AFF1: variants seen among roughly 807,000 people sequenced by gnomAD.
AFF1 encodes AF4/FMR2 family member 1.
In AFF1, 48 loss-of-function variants were observed where a neutral mutation model predicts 121.7. The ratio of observed to expected loss-of-function variants is 0.39; its 90% confidence interval spans 0.31 to 0.50. The LOEUF is 0.50. AFF1 is among the 20% of genes least tolerant of loss of function. The pLI, the probability that AFF1 is intolerant of heterozygous loss-of-function variation, is 0.76. For synonymous variants in AFF1, 613 were observed against 563.0 expected (o/e 1.09, Z -1.26); for missense variants, 1,523 against 1,511.7 (o/e 1.01, Z -0.12).
intron 2 of AFF1, among the ~76,000 whole-genome samples, chr4:86,972,620 C>T (rs1459959486): frequency 6.6e-6 from 1 of 152,148 alleles, no homozygotes; most frequent in East Asian, 1.9e-4. Context: ...TCACTGTAAC[C>T]TCCATCTCCT....
intron 2 of AFF1, among the ~76,000 whole-genome samples, chr4:87,020,006 T>TTGACGATTG (rs764080332): frequency 5.7e-5 from 1 of 17,534 alleles, no homozygotes; most frequent in Non-Finnish European, 4.3e-4. Context: ...GTCTTCTGTG[T>TTGACGATTG]TGACGATTGT....
At chr4:87,062,578 G>A (rs1720894236) in intron 4 of AFF1, among the ~76,000 whole-genome samples, 2 of 152,248 alleles carry the variant, frequency 1.3e-5, no homozygotes, top group South Asian at 4.1e-4. Flanking sequence ...AAATGGTGGT[G>A]CTGTTTACAA....
chr4:87,019,860 C>T (rs72667753), intron 2 of AFF1, among the ~76,000 whole-genome samples: 31,895 of 113,818 alleles, frequency 0.28, 3,663 homozygotes, highest in East Asian at 0.39. Flanking sequence ...GAGGTCCAGA[C>T]CTGTGACTGG....
intron 1 of AFF1, among the ~76,000 whole-genome samples, chr4:86,942,002 G>A (rs1456529613): frequency 6.6e-6 from 1 of 151,478 alleles, no homozygotes; most frequent in African/African-American, 2.4e-5. Context: ...TCTTTATTGA[G>A]TAGTTGAACA....
intron 2 of AFF1, among the ~76,000 whole-genome samples, chr4:86,984,331 C>CTT (rs1350597456): frequency 1.9e-4 from 24 of 126,202 alleles, no homozygotes; most frequent in Admixed American, 3.2e-4. Context: ...ATTTTTTTTT[C>CTT]TTTTTTTTTT....
chr4:87,087,098 G>A (rs1266821902), intron 5 of AFF1, among the ~76,000 whole-genome samples: 1 of 152,178 alleles, frequency 6.6e-6, no homozygotes, highest in Non-Finnish European at 1.5e-5. Context: ...GGCAAGCCTG[G>A]CCTCCACAGT....
intron 2 of AFF1, among the ~76,000 whole-genome samples, chr4:87,024,547 T>C (rs1728338456): frequency 6.6e-6 from 1 of 152,156 alleles, no homozygotes; most frequent in South Asian, 2.1e-4. Context: ...ATGGAACCTT[T>C]TTGTATAAAA....
intron 2 of AFF1, among the ~76,000 whole-genome samples, chr4:86,984,921 AAAAAAT>A (rs1224826022): frequency 4.6e-5 from 7 of 151,778 alleles, no homozygotes; most frequent in Non-Finnish European, 7.4e-5. Flanking sequence ...ACTCCATCTA[AAAAAAT>A]AAAAATAAAA....
intron 2 of AFF1, among the ~76,000 whole-genome samples, chr4:86,998,112 A>AAC (rs1725371639): frequency 7.2e-6 from 1 of 138,712 alleles, no homozygotes; most frequent in Non-Finnish European, 1.5e-5. Flanking sequence ...AAAAAAAAAA[A>AAC]AAAAAAAAAA....
At chr4:87,050,886 G>A (rs943430383) in intron 4 of AFF1, among the ~76,000 whole-genome samples, 1 of 152,192 alleles carries the variant, frequency 6.6e-6, no homozygotes, top group African/African-American at 2.4e-5. Context: ...TCTGTCTAGA[G>A]ATAACAAGTG....
intron 1 of AFF1, among the ~76,000 whole-genome samples, chr4:86,946,082 C>T (rs1304168653): frequency 2.0e-5 from 3 of 152,078 alleles, no homozygotes; most frequent in African/African-American, 7.2e-5. Flanking sequence ...TGCTCCTGAG[C>T]GGTGAGACCT....
intron 4 of AFF1, among the ~76,000 whole-genome samples, chr4:87,060,867 A>AAAC (rs1560586070): frequency 2.4e-5 from 1 of 41,064 alleles, no homozygotes; most frequent in Non-Finnish European, 4.5e-5. Flanking sequence ...AAAAAAAAAA[A>AAAC]CACAAAAAAA....
intron 2 of AFF1, among the ~76,000 whole-genome samples, chr4:86,958,751 A>G (rs966063245): frequency 2.6e-5 from 4 of 152,026 alleles, no homozygotes; most frequent in Non-Finnish European, 5.9e-5. Context: ...AAATAATAAA[A>G]TTGTCTTCAT....
intron 2 of AFF1, among the ~76,000 whole-genome samples, chr4:87,008,154 G>C (rs1726361798): frequency 6.6e-6 from 1 of 152,148 alleles, no homozygotes; most frequent in Admixed American, 6.5e-5. Context: ...TTTTAGTTTT[G>C]ACAGCAGTTG....
rs1445453787 is a variant in AFF1, at chr4:87,138,704, A to C, written c.*3003A>C. ...TGGCCACCTAGTAGCAGTGGTGAGG[A>C]GTGGGAGGGCCCAGCAAGCATTTAT... On this transcript the variant is annotated 3_prime_UTR_variant, in exon 21 of 21. Transcript: ENST00000395146. The C allele has an allele frequency of 8.6e-6, 2 of 231,460 alleles. No homozygotes were observed. Among genetic ancestry groups the C allele is most frequent in the Non-Finnish European group, 1.7e-5 (2 of 117,036 alleles). The allele number at this position is 231,460 out of a possible 1,614,324, so 14.3% of individuals were successfully genotyped here.
At chr4:87,085,322 T>C (rs1014998617) in intron 5 of AFF1, among the ~76,000 whole-genome samples, 1 of 152,174 alleles carries the variant, frequency 6.6e-6, no homozygotes, top group Non-Finnish European at 1.5e-5. Flanking sequence ...GTACAGTAAT[T>C]GTAAAAACTG....
chr4:86,950,780 G>C (rs1020483731), intron 2 of AFF1, among the ~76,000 whole-genome samples: 1 of 152,184 alleles, frequency 6.6e-6, no homozygotes, highest in Non-Finnish European at 1.5e-5. Context: ...CTAGAGCCTG[G>C]GGGAAAGCTG....
At position 87,033,418 on chromosome 4, in the gene AFF1, G is replaced by A. The variant is rs936720808; in HGVS notation, c.39-12748G>A. 2.0e-5 allele frequency among the ~76,000 whole-genome samples: 3 copies of A among 152,330 alleles called. No individual in the cohort carries two copies. The South Asian group carries it at 6.2e-4, about 32-fold the overall frequency. ...GCAATTGGTTCTCTGGAATGTGTGC[G>A]TTAGAAGTTCAGTGACTGGGAGGGA... On this transcript the variant is annotated intron_variant, in intron 2 of 20. Coordinates refer to ENST00000395146, the MANE Select transcript of AFF1 (RefSeq NM_001166693.3).
At chr4:87,131,766 C>G in intron 17 of AFF1, 27 bp from the exon 18 acceptor site, 3 of 1,538,432 alleles carry the variant, frequency 2.0e-6, no homozygotes, top group Non-Finnish European at 1.8e-6. Context: ...TGTTTAAAAC[C>G]TGATGTACTT....
Sources: gnomAD v4.1 joint callset for allele counts (sites outside exome capture counted in the v4.1 genomes callset) on GRCh38, gnomAD v4.1.1 for gene constraint, MANE v1.5 for transcripts, NCBI Gene and HGNC (gene_info 2026-07-23, HGNC 2026-07-21) for gene names.